Variants in MACROD2 observed in about 807,000 individuals in gnomAD.
The protein encoded by MACROD2 is ADP-ribose glycohydrolase MACROD2.
In MACROD2, 36 loss-of-function variants were observed where a neutral mutation model predicts 70.4. That is an observed-to-expected ratio of 0.51 (90% CI 0.39 to 0.68). The LOEUF is 0.68. Ranked by LOEUF, MACROD2 falls within the 30% of genes least tolerant of loss-of-function variation. MACROD2 has a pLI of 0.00. For synonymous variants in MACROD2, 172 were observed against 178.8 expected (o/e 0.96, Z 0.30); for missense variants, 496 against 538.4 (o/e 0.92, Z 0.78).
chr20:14,585,227 C>T (rs1041864737), intron 4 of MACROD2, among the ~76,000 whole-genome samples: 21 of 152,170 alleles, frequency 1.4e-4, no homozygotes, highest in African/African-American at 4.8e-4. Flanking sequence ...GCAAGTTTGT[C>T]TTGGAGCTGG....
chr20:14,123,834 C>T (rs1386028878), intron 3 of MACROD2, among the ~76,000 whole-genome samples: 1 of 152,110 alleles, frequency 6.6e-6, no homozygotes, highest in Non-Finnish European at 1.5e-5. Flanking sequence ...AAAAATATGT[C>T]TGTGATCAGC....
At chr20:14,784,668 T>TTG (rs1491306216) in intron 5 of MACROD2, among the ~76,000 whole-genome samples, 13 of 94,778 alleles carry the variant, frequency 1.4e-4, no homozygotes, top group Non-Finnish European at 2.8e-4. Flanking sequence ...GTGTTTTAAG[T>TTG]GGGGGGGGGG....
At chr20:15,424,420 G>A (rs566949194) in intron 6 of MACROD2, among the ~76,000 whole-genome samples, 2 of 152,156 alleles carry the variant, frequency 1.3e-5, no homozygotes, top group Non-Finnish European at 2.9e-5. Context: ...TAACCAACAT[G>A]TAGAGAAAAG....
chr20:15,933,343 G>T lies in MACROD2; in HGVS notation c.838+5G>T, dbSNP rs1317368695. 4.3e-6 allele frequency: 7 copies of T among 1,612,784 alleles called. No homozygotes were observed. Among genetic ancestry groups the T allele is most frequent in the Non-Finnish European group, 5.9e-6 (7 of 1,179,286 alleles). ...AAGAGCAGAGCCAAGATGCAGGTAG[G>T]CTCAGATTTCTTTTGAGAAGTCACC... On this transcript the variant is annotated splice_donor_5th_base_variant and intron_variant, in intron 11 of 17. Transcript: ENST00000684519.
At chr20:14,710,924 TG>T (rs1229390059) in intron 5 of MACROD2, among the ~76,000 whole-genome samples, 2 of 152,212 alleles carry the variant, frequency 1.3e-5, no homozygotes, top group Non-Finnish European at 1.5e-5. Flanking sequence ...ACTCTTCTCC[TG>T]AGAGATCTCA....
intron 5 of MACROD2, among the ~76,000 whole-genome samples, chr20:14,769,656 T>A (rs1268944750): frequency 6.6e-6 from 1 of 152,112 alleles, no homozygotes; most frequent in Non-Finnish European, 1.5e-5. Flanking sequence ...TAAAATAAGT[T>A]TGCCTTTTTC....
chr20:15,652,824 T>C (rs1225193912), intron 8 of MACROD2, among the ~76,000 whole-genome samples: 1 of 152,146 alleles, frequency 6.6e-6, no homozygotes. Flanking sequence ...ATACAAATGC[T>C]GTCTTCCACA....
chr20:14,498,103 T>C (rs2084874508), intron 4 of MACROD2, among the ~76,000 whole-genome samples: 1 of 151,756 alleles, frequency 6.6e-6, no homozygotes, highest in Non-Finnish European at 1.5e-5. Context: ...GGATTCATTA[T>C]GCTTGTCTGT....
intron 5 of MACROD2, among the ~76,000 whole-genome samples, chr20:14,809,708 G>A (rs1331748839): frequency 1.3e-5 from 2 of 151,986 alleles, no homozygotes; most frequent in Non-Finnish European, 2.9e-5. Flanking sequence ...AAGAAGAAAA[G>A]AGAGAAGAAT....
At chr20:15,303,135 T>G (rs2146130906) in intron 6 of MACROD2, among the ~76,000 whole-genome samples, 1 of 152,354 alleles carries the variant, frequency 6.6e-6, no homozygotes, top group South Asian at 2.1e-4. Context: ...ATAAGCATTT[T>G]CCAAAATTCT....
intron 8 of MACROD2, among the ~76,000 whole-genome samples, chr20:15,556,813 CTCTT>C (rs1476143579): frequency 6.6e-6 from 1 of 152,202 alleles, no homozygotes; most frequent in Non-Finnish European, 1.5e-5. Flanking sequence ...TGACTTCTCT[CTCTT>C]TCTTGATTGA....
chr20:14,553,572 G>A (rs533515318), intron 4 of MACROD2, among the ~76,000 whole-genome samples: 65 of 152,146 alleles, frequency 4.3e-4, no homozygotes, highest in South Asian at 8.3e-4. Flanking sequence ...AGCACAGTAG[G>A]TTTGTTTACA....
intron 8 of MACROD2, among the ~76,000 whole-genome samples, chr20:15,858,757 A>G (rs1234574881): frequency 1.3e-5 from 2 of 152,144 alleles, no homozygotes; most frequent in Non-Finnish European, 2.9e-5. Flanking sequence ...TCCTCATGGC[A>G]TGGTGGTTGG....
intron 5 of MACROD2, among the ~76,000 whole-genome samples, chr20:14,970,093 G>A (rs932942229): frequency 6.6e-6 from 1 of 152,058 alleles, no homozygotes; most frequent in African/African-American, 2.4e-5. Context: ...CCACATGGCC[G>A]AGGAAGCCTC....
chr20:14,542,213 A>G (rs1362143686), intron 4 of MACROD2, among the ~76,000 whole-genome samples: 7 of 152,124 alleles, frequency 4.6e-5, no homozygotes, highest in African/African-American at 1.7e-4. Context: ...TCCTATGTAT[A>G]TTTTGCCAAT....
At chr20:14,061,196 A>G (rs2053686922) in intron 2 of MACROD2, among the ~76,000 whole-genome samples, 1 of 152,142 alleles carries the variant, frequency 6.6e-6, no homozygotes, top group African/African-American at 2.4e-5. Flanking sequence ...TACACTATTG[A>G]TTACATCTTC....
intron 3 of MACROD2, among the ~76,000 whole-genome samples, chr20:14,432,532 A>G (rs868056123): frequency 1.6e-4 from 25 of 152,188 alleles, no homozygotes; most frequent in Non-Finnish European, 1.2e-4. Context: ...GCTAACTTAT[A>G]AAAGTAGTAT....
chr20:14,715,881 A>G (rs1413149805), intron 5 of MACROD2, among the ~76,000 whole-genome samples: 2 of 152,192 alleles, frequency 1.3e-5, no homozygotes, highest in Non-Finnish European at 2.9e-5. Context: ...TTGCTGCTGA[A>G]ACAGAAAAAA....
chr20:14,460,789 T>A (rs1041931103), intron 3 of MACROD2, among the ~76,000 whole-genome samples: 1 of 152,122 alleles, frequency 6.6e-6, no homozygotes, highest in Non-Finnish European at 1.5e-5. Flanking sequence ...TCATGGTGGA[T>A]AAGCTTTTTG....
Sources: allele counts gnomAD v4.1 joint callset (sites outside exome capture counted in the v4.1 genomes callset), GRCh38; gene constraint gnomAD v4.1.1; transcripts MANE v1.5; gene names NCBI Gene and HGNC (gene_info 2026-07-23, HGNC 2026-07-21).